Variants in FIRRM observed in about 807,000 individuals in gnomAD.
The protein encoded by FIRRM is FIGNL1 interacting regulator of recombination and mitosis, also known as FIGNL1-interacting regulator of recombination and mitosis.
the FIRRM span, chr1:169,808,032 A>G: frequency 8.9e-7 from 1 of 1,118,954 alleles, no homozygotes; most frequent in South Asian, 1.5e-5. Context: ...AGAGGATTTT[A>G]ATTTATTTCA....
At chr1:169,848,161 T>A in the FIRRM span, among the ~76,000 whole-genome samples, 7 of 152,194 alleles carry the variant, frequency 4.6e-5, no homozygotes, top group Non-Finnish European at 8.8e-5. Flanking sequence ...CTTCGTTTTT[T>A]ATCCATGAAA....
chr1:169,846,574 T>C, the FIRRM span, among the ~76,000 whole-genome samples: 1 of 152,224 alleles, frequency 6.6e-6, no homozygotes, highest in African/African-American at 2.4e-5. Flanking sequence ...TCAGCACTTG[T>C]TGCTTCACCT....
the FIRRM span, among the ~76,000 whole-genome samples, chr1:169,811,833 A>C: frequency 2.0e-5 from 3 of 149,680 alleles, no homozygotes; most frequent in South Asian, 2.1e-4. Flanking sequence ...ATCTAAATAG[A>C]TAATAGATTA....
At chr1:169,835,627 T>C in the FIRRM span, among the ~76,000 whole-genome samples, 8 of 152,212 alleles carry the variant, frequency 5.3e-5, no homozygotes, top group Admixed American at 4.6e-4. Context: ...TTTAAGTCTT[T>C]AGAATTGTGT....
the FIRRM span, chr1:169,821,674 A>G: frequency 6.4e-7 from 1 of 1,568,764 alleles, no homozygotes; most frequent in Non-Finnish European, 8.6e-7. Context: ...CCCTTTTTGG[A>G]TCAGGATAAT....
At chr1:169,828,068 GT>G in the FIRRM span, among the ~76,000 whole-genome samples, 2 of 152,082 alleles carry the variant, frequency 1.3e-5, no homozygotes, top group Non-Finnish European at 2.9e-5. Context: ...ATTTTGTTCA[GT>G]ATTGCTTAAT....
the FIRRM span, chr1:169,853,935 T>C: frequency 2.2e-5 from 17 of 778,944 alleles, no homozygotes; most frequent in African/African-American, 1.8e-4. Flanking sequence ...AGTTGAAAAG[T>C]AGGATTACAA....
chr1:169,797,084 G>C, the FIRRM span, among the ~76,000 whole-genome samples: 2 of 152,204 alleles, frequency 1.3e-5, no homozygotes, highest in Non-Finnish European at 2.9e-5. Flanking sequence ...ATAAAGGCAG[G>C]ATGTTGATTT....
At chr1:169,832,568 C>T in the FIRRM span, 1 of 1,102,714 alleles carries the variant, frequency 9.1e-7, no homozygotes, top group African/African-American at 1.6e-5. Context: ...ATTCAGACTC[C>T]TTTGATAGCC....
the FIRRM span, among the ~76,000 whole-genome samples, chr1:169,791,098 T>A: frequency 6.6e-6 from 1 of 152,162 alleles, no homozygotes; most frequent in Non-Finnish European, 1.5e-5. Context: ...GCTCAGGCAG[T>A]AATACTCATT....
the FIRRM span, chr1:169,792,389 C>A: frequency 2.2e-5 from 10 of 453,322 alleles, no homozygotes; most frequent in Admixed American, 4.1e-5. Context: ...TCATCAAATG[C>A]ACGAGGATAC....
At chr1:169,843,615 G>C in the FIRRM span, 1 of 963,606 alleles carries the variant, frequency 1.0e-6, no homozygotes, top group Non-Finnish European at 1.7e-6. Context: ...ATAAAAGCTT[G>C]CTATTATTAT....
chr1:169,792,539 TTC>T, the FIRRM span: 3 of 1,459,142 alleles, frequency 2.1e-6, no homozygotes, highest in Non-Finnish European at 2.7e-6. Flanking sequence ...TTTTTGGTCC[TTC>T]TGTTTATTTC....
At chr1:169,830,223 GTATT>G in the FIRRM span, 1 of 1,504,250 alleles carries the variant, frequency 6.6e-7, no homozygotes, top group African/African-American at 1.4e-5. Flanking sequence ...GTGAACTTTA[GTATT>G]TAAATAAATT....
At chr1:169,847,560 T>A in the FIRRM span, 2,101 of 629,580 alleles carry the variant, frequency 3.3e-3, 37 homozygotes, top group African/African-American at 0.035. Flanking sequence ...GGGGCTGTGG[T>A]GTGTTTGTTT....
the FIRRM span, chr1:169,792,592 A>G: frequency 6.5e-7 from 1 of 1,548,204 alleles, no homozygotes; most frequent in African/African-American, 1.4e-5. Context: ...CAGGAAACTT[A>G]AAAGTTATTT....
the FIRRM span, chr1:169,849,523 C>T: frequency 1.2e-6 from 2 of 1,613,966 alleles, no homozygotes; most frequent in South Asian, 1.1e-5. Flanking sequence ...CCAACCTGTC[C>T]TGTATGTTTG....
chr1:169,813,838 G>A, the FIRRM span, among the ~76,000 whole-genome samples: 1 of 152,318 alleles, frequency 6.6e-6, no homozygotes, highest in East Asian at 1.9e-4. Flanking sequence ...TCTTTCAGTA[G>A]CCCTTAGATA....
chr1:169,805,890 C>T, the FIRRM span: 7 of 653,674 alleles, frequency 1.1e-5, no homozygotes, highest in East Asian at 2.9e-5. Flanking sequence ...AGTTGTGTTA[C>T]GTATTTTAAT....
Sources: gnomAD v4.1 joint callset for allele counts (sites outside exome capture counted in the v4.1 genomes callset) on GRCh38, gnomAD v4.1.1 for gene constraint, MANE v1.5 for transcripts, NCBI Gene and HGNC (gene_info 2026-07-23, HGNC 2026-07-21) for gene names.